Variants in FHIT observed in about 807,000 individuals in gnomAD.
FHIT encodes fragile histidine triad diadenosine triphosphatase, also known as bis(5'-adenosyl)-triphosphatase.
FHIT carries 19 observed loss-of-function variants against 17.9 expected under a neutral mutation model. That is an observed-to-expected ratio of 1.06 (90% CI 0.74 to 1.56). FHIT has a LOEUF of 1.56. FHIT is among the 40% of genes most tolerant of loss of function. The pLI, the probability that FHIT is intolerant of heterozygous loss-of-function variation, is 0.00. For missense variants in FHIT, 248 were observed against 189.2 expected (o/e 1.31, Z -1.82); for synonymous variants, 81 against 69.7 (o/e 1.16, Z -0.81).
chr3:60,617,767 A>G (rs1224146022), intron 4 of FHIT: 3 of 153,860 alleles, frequency 1.9e-5, no homozygotes, highest in South Asian at 2.1e-4. Flanking sequence ...TCCAGATGTG[A>G]TCTTTTGGCA....
intron 8 of FHIT, among the ~76,000 whole-genome samples, chr3:59,760,601 G>T (rs905464249): frequency 2.0e-5 from 3 of 151,550 alleles, no homozygotes; most frequent in Non-Finnish European, 4.4e-5. Context: ...AGACATGAAA[G>T]TTCACAGTTT....
rs532198776 is a variant in FHIT at position 59,799,837 on chromosome 3, T to C, written c.349-47516A>G. 2.6e-5 allele frequency among the ~76,000 whole-genome samples: 4 copies of C among 152,260 alleles called. No homozygotes were observed. The East Asian group carries it at 7.7e-4, about 29-fold the overall frequency. On this transcript the variant is annotated intron_variant, in intron 8 of 9. Coordinates refer to ENST00000492590, the MANE Select transcript of FHIT (RefSeq NM_002012.4). The stretch of plus-strand genomic sequence containing the variant: ...ATAACGGTGTCTTGCAAGAAAAAAG[T>C]CCCTTGTGGGGGCGATTTTTTAAAA...
intron 3 of FHIT, among the ~76,000 whole-genome samples, chr3:60,984,771 T>G (rs187097900): frequency 2.2e-5 from 3 of 138,728 alleles, no homozygotes; most frequent in Non-Finnish European, 3.1e-5. Flanking sequence ...ATAAAGGGTA[T>G]AGTTTCATGA....
chr3:60,352,621 G>T (rs912108962), intron 5 of FHIT, among the ~76,000 whole-genome samples: 2 of 152,026 alleles, frequency 1.3e-5, no homozygotes, highest in African/African-American at 4.8e-5. Flanking sequence ...CCGGCCTCAG[G>T]CTACTGAGTA....
At chr3:60,925,708 C>A (rs1254975021) in intron 3 of FHIT, among the ~76,000 whole-genome samples, 6 of 152,064 alleles carry the variant, frequency 3.9e-5, no homozygotes, top group South Asian at 2.1e-4. Context: ...TCACACATAA[C>A]AATATTAACC....
chr3:60,978,890 T>C (rs1710373599), intron 3 of FHIT, among the ~76,000 whole-genome samples: 1 of 152,238 alleles, frequency 6.6e-6, no homozygotes, highest in South Asian at 2.1e-4. Flanking sequence ...CTATGGGTTG[T>C]GTAGAGTTGT....
chr3:59,859,806 A>G (rs1017829798), intron 8 of FHIT, among the ~76,000 whole-genome samples: 1 of 152,222 alleles, frequency 6.6e-6, no homozygotes, highest in African/African-American at 2.4e-5. Flanking sequence ...ATGTTTCTGT[A>G]TAGCATCCTG....
chr3:61,118,275 C>G (rs1194922917), intron 2 of FHIT, among the ~76,000 whole-genome samples: 1 of 152,162 alleles, frequency 6.6e-6, no homozygotes, highest in Non-Finnish European at 1.5e-5. Context: ...CAGGTAATTA[C>G]TGTTCATTTT....
At chr3:60,701,427 C>T (rs150030712) in intron 4 of FHIT, among the ~76,000 whole-genome samples, 7 of 152,070 alleles carry the variant, frequency 4.6e-5, no homozygotes, top group African/African-American at 1.4e-4. Flanking sequence ...CAGTCTCCCC[C>T]CCAAACTCAG....
chr3:60,895,651 C>CTCCTTCCTTCCTTCCTTCCTTCCT (rs1324641044), intron 3 of FHIT, among the ~76,000 whole-genome samples: 4 of 136,078 alleles, frequency 2.9e-5, no homozygotes, highest in African/African-American at 1.2e-4. Flanking sequence ...CTTCCTTTCC[C>CTCCTTCCTTCCTTCCTTCCTTCCT]TCCTTCCTTC....
chr3:60,480,735 G>T (rs142242433), intron 5 of FHIT, among the ~76,000 whole-genome samples: 6 of 152,272 alleles, frequency 3.9e-5, no homozygotes, highest in African/African-American at 1.4e-4. Flanking sequence ...CAGGAAGAGG[G>T]ATCCCAGGGC....
intron 3 of FHIT, among the ~76,000 whole-genome samples, chr3:60,871,791 A>G (rs901195152): frequency 4.6e-5 from 7 of 151,778 alleles, no homozygotes; most frequent in African/African-American, 1.7e-4. Flanking sequence ...ACACCACCAT[A>G]CCCAGATTTT....
intron 5 of FHIT, among the ~76,000 whole-genome samples, chr3:60,452,521 A>C (rs1304600687): frequency 6.6e-6 from 1 of 152,208 alleles, no homozygotes; most frequent in Admixed American, 6.5e-5. Context: ...AATGTGACCA[A>C]ATAAAGATAT....
At chr3:60,183,652 A>T (rs1702036779) in intron 5 of FHIT, among the ~76,000 whole-genome samples, 1 of 152,104 alleles carries the variant, frequency 6.6e-6, no homozygotes, top group South Asian at 2.1e-4. Context: ...GACAATGCCA[A>T]GTCAATCAAG....
At chr3:60,814,943 G>T (rs1242998707) in intron 4 of FHIT, among the ~76,000 whole-genome samples, 1 of 148,396 alleles carries the variant, frequency 6.7e-6, no homozygotes, top group Non-Finnish European at 1.5e-5. Flanking sequence ...ATTCTGACTG[G>T]TGTGAGATGG....
chr3:60,815,175 T>C (rs1701696197), intron 4 of FHIT, among the ~76,000 whole-genome samples: 1 of 152,144 alleles, frequency 6.6e-6, no homozygotes, highest in Non-Finnish European at 1.5e-5. Context: ...GTGAATATTT[T>C]CTGTCATCCT....
intron 3 of FHIT, chr3:60,856,372 T>A (rs868992683): frequency 6.6e-6 from 1 of 152,054 alleles, no homozygotes; most frequent in Non-Finnish European, 1.5e-5. Flanking sequence ...GCCAAAGAGA[T>A]TTTTTTTAAA....
At chr3:60,977,918 G>A (rs1394791479) in intron 3 of FHIT, among the ~76,000 whole-genome samples, 1 of 152,144 alleles carries the variant, frequency 6.6e-6, no homozygotes, top group Non-Finnish European at 1.5e-5. Context: ...ATGTTGCTTA[G>A]CACAATTTTG....
At chr3:60,443,463 T>C (rs1369153337) in intron 5 of FHIT, among the ~76,000 whole-genome samples, 1 of 152,180 alleles carries the variant, frequency 6.6e-6, no homozygotes, top group Non-Finnish European at 1.5e-5. Context: ...ACCTAATTTA[T>C]TGAGAGTTTT....
Sources: gnomAD v4.1 joint callset for allele counts (sites outside exome capture counted in the v4.1 genomes callset) on GRCh38, gnomAD v4.1.1 for gene constraint, MANE v1.5 for transcripts, NCBI Gene and HGNC (gene_info 2026-07-23, HGNC 2026-07-21) for gene names.